ADGRE2: variants seen among roughly 807,000 people sequenced by gnomAD.
ADGRE2 encodes CD97 antigen.
A neutral mutation model predicts 100.8 loss-of-function variants in ADGRE2; 83 were observed. The ratio of observed to expected loss-of-function variants is 0.82; its 90% CI spans 0.69 to 0.99. ADGRE2 has a LOEUF of 0.99. ADGRE2 is among the 50% of genes least tolerant of loss of function. The probability of loss-of-function intolerance (pLI) is 0.00; values close to 1 mark genes in which losing one functional copy is unlikely to be tolerated. For missense variants in ADGRE2, 814 were observed against 1,035.7 expected (o/e 0.79, Z 2.94); for synonymous variants, 355 against 413.0 (o/e 0.86, Z 1.70).
At chr19:14,739,196 C>T (rs1743687432) in intron 20 of ADGRE2, among the ~76,000 whole-genome samples, 1 of 152,108 alleles carries the variant, frequency 6.6e-6, no homozygotes, top group East Asian at 1.9e-4. Context: ...TCTCGAACTC[C>T]TGACCTCAAG....
At chr19:14,738,964 CTTTTCTTTTTTT>C (rs1327272166) in intron 20 of ADGRE2, among the ~76,000 whole-genome samples, 3 of 131,290 alleles carry the variant, frequency 2.3e-5, no homozygotes, top group Non-Finnish European at 4.8e-5. Flanking sequence ...CTTTTCTTTT[CTTTTCTTTTTTT>C]TTTTTTTTTT....
intron 4 of ADGRE2, among the ~76,000 whole-genome samples, chr19:14,772,794 T>C (rs1599882670): frequency 6.6e-6 from 1 of 150,886 alleles, no homozygotes; most frequent in Non-Finnish European, 1.5e-5. Context: ...TTAAACCCCA[T>C]GGCAGCCGGG....
intron 11 of ADGRE2, among the ~76,000 whole-genome samples, chr19:14,757,687 C>G (rs1391432410): frequency 2.6e-5 from 4 of 152,210 alleles, no homozygotes; most frequent in Admixed American, 2.0e-4. Flanking sequence ...TACCCTCACA[C>G]AACAAACAAA....
chr19:14,740,041 C>T (rs888546587), intron 20 of ADGRE2, among the ~76,000 whole-genome samples: 1 of 151,016 alleles, frequency 6.6e-6, no homozygotes, highest in Non-Finnish European at 1.5e-5. Context: ...GCAGAGTTTG[C>T]AGTGAGCCCA....
At position 14,746,107 on chromosome 19, in the gene ADGRE2, C is replaced by T. The variant is rs73515938; in HGVS notation, c.2183+125G>A. 4.5e-3 allele frequency: 2,887 copies of T among 642,396 alleles called. 63 individuals carry two copies. In the African/African-American group the frequency reaches 0.047, roughly 10 times the overall value. 39.8% of individuals were successfully genotyped at this position (642,396 alleles called of 1,614,324 possible). Reference sequence around the variant, plus strand: ...GATGGCTGCCATAGAAGGATGGCTGCGTCTGTTTTTTCTGGGTCCCTTCAA... The same window carrying T: ...GATGGCTGCCATAGAAGGATGGCTGTGTCTGTTTTTTCTGGGTCCCTTCAA... On this transcript the variant is annotated intron_variant, in intron 18 of 20. Transcript: ENST00000315576.
intron 1 of ADGRE2, among the ~76,000 whole-genome samples, chr19:14,777,763 TGTTA>T (rs2044490000): frequency 6.6e-6 from 1 of 151,656 alleles, no homozygotes. Context: ...TCTGTTTCTG[TGTTA>T]GTTTGCTGAG....
At chr19:14,727,092 A>T in the ADGRE2 span, among the ~76,000 whole-genome samples, 1 of 131,986 alleles carries the variant, frequency 7.6e-6, no homozygotes, top group South Asian at 2.3e-4. Context: ...CAGTGGCGCA[A>T]TCTTGGCTCA....
At chr19:14,772,272 C>T in intron 5 of ADGRE2, 70 bp downstream of exon 5, 3 of 1,599,812 alleles carry the variant, frequency 1.9e-6, no homozygotes, top group Non-Finnish European at 1.7e-6. Context: ...TCCCTGGATG[C>T]TGCAGAAACA....
chr19:14,731,082 C>T, downstream of ADGRE2: 2 of 1,112,310 alleles, frequency 1.8e-6, no homozygotes, highest in Admixed American at 2.0e-5. Context: ...AAGCACCGCC[C>T]CTCCTGCCCC....
At chr19:14,750,850 C>T (rs1288786683) in intron 16 of ADGRE2, among the ~76,000 whole-genome samples, 1 of 152,144 alleles carries the variant, frequency 6.6e-6, no homozygotes, top group Admixed American at 6.6e-5. Context: ...GTCTTTCTCT[C>T]TTGCTCAGGC....
chr19:14,743,078 G>A (rs11879129), intron 20 of ADGRE2, among the ~76,000 whole-genome samples: 6,709 of 151,990 alleles, frequency 0.044, 517 homozygotes, highest in African/African-American at 0.15. Flanking sequence ...GGGACTACAG[G>A]TGTATGCCAC....
In ADGRE2 at chr19:14,735,307, C is replaced by T. The variant is rs1243295877; in HGVS notation, c.*929G>A. The T allele has an allele frequency of 7.9e-5, 12 of 152,202 alleles. No individual in the cohort carries two copies. In the South Asian group the frequency reaches 2.3e-3, roughly 29 times the overall value. 9.4% of individuals were successfully genotyped at this position (152,202 alleles called of 1,614,324 possible). ...TTCTCACTCTGTTGCCCACACTGGTCTCAAACTCCTGGGCTTGAGCCATCC... is the reference window on the plus strand; with the variant it reads ...TTCTCACTCTGTTGCCCACACTGGTTTCAAACTCCTGGGCTTGAGCCATCC... On this transcript the variant is annotated 3_prime_UTR_variant, in exon 21 of 21. Transcript: ENST00000315576.
At chr19:14,772,156 T>C (rs1461128064) in intron 5 of ADGRE2, 186 bp downstream of exon 5, 1 of 766,054 alleles carries the variant, frequency 1.3e-6, no homozygotes, top group Non-Finnish European at 2.1e-6. Context: ...CCCAGAGTTT[T>C]CCCTTGGCCT....
In ADGRE2 at chr19:14,776,584, C is replaced by T. The variant is rs1388889780; in HGVS notation, c.31+142G>A. 4.1e-6 allele frequency: 4 copies of T among 972,252 alleles called. No individual in the cohort carries two copies. In the African/African-American group the frequency reaches 6.6e-5, roughly 16 times the overall value. 60.2% of individuals were successfully genotyped at this position (972,252 alleles called of 1,614,324 possible). ...CCACCAGCCCCTCTCGCCGTGTGCC[C>T]GTGAGTGCCTGCTTGACCATGTGGC... is the stretch of plus-strand genomic sequence containing the variant. On this transcript the variant is annotated intron_variant, in intron 2 of 20. Coordinates refer to ENST00000315576, the MANE Select transcript of ADGRE2 (RefSeq NM_013447.4).
In ADGRE2 at chr19:14,751,683, G is replaced by A; in HGVS notation, c.1789-12C>T. 1.9e-6 allele frequency: 3 copies of A among 1,604,730 alleles called. No individual in the cohort carries two copies. Among genetic ancestry groups the A allele is most frequent in the Non-Finnish European group, 2.6e-6 (3 of 1,171,864 alleles). The stretch of plus-strand genomic sequence containing the variant: ...ATGGAGCACAGCACCTGGCGGAGAA[G>A]TAAAAGACGCCCAGAGCGGCGATCA... On this transcript the variant is annotated splice_polypyrimidine_tract_variant and intron_variant, in intron 15 of 20. Coordinates refer to ENST00000315576, the MANE Select transcript of ADGRE2 (RefSeq NM_013447.4).
intron 13 of ADGRE2, 23 bp from the exon 14 acceptor site, chr19:14,755,150 T>A (rs1389493393): frequency 1.0e-5 from 16 of 1,606,658 alleles, no homozygotes; most frequent in Non-Finnish European, 1.4e-5. Flanking sequence ...AACACAGGTG[T>A]GGGCTGGGCA....
Position 14,743,792 on chromosome 19 carries a change from G to A in ADGRE2, c.2184-8C>T, listed in dbSNP as rs747767985. The A allele has an allele frequency of 6.2e-7, 1 of 1,613,442 alleles. No homozygotes were observed. The highest frequency in any genetic ancestry group is 8.5e-7 in the Non-Finnish European group (1 of 1,179,516). ...GCTTTAAATGCCAGCATCCTGGATT[G>A]AGTAAGAAAGGAGGCTGGTGATGCA... On this transcript the variant is annotated splice_polypyrimidine_tract_variant and splice_region_variant and intron_variant, in intron 18 of 20. Transcript: ENST00000315576.
chr19:14,768,234 G>A (rs1332186811), intron 5 of ADGRE2, among the ~76,000 whole-genome samples: 1 of 152,204 alleles, frequency 6.6e-6, no homozygotes, highest in Non-Finnish European at 1.5e-5. Flanking sequence ...CAGTCCCCAG[G>A]GGAGCATGAG....
At chr19:14,746,376 T>TC (rs2043090455) in intron 17 of ADGRE2, 53 bp from the exon 18 acceptor site, 12 of 267,756 alleles carry the variant, frequency 4.5e-5, no homozygotes, top group South Asian at 1.7e-4. Flanking sequence ...CTGTTATCTC[T>TC]TTTTTTTTTT....
Sources: gnomAD v4.1 joint callset for allele counts (sites outside exome capture counted in the v4.1 genomes callset) on GRCh38, gnomAD v4.1.1 for gene constraint, MANE v1.5 for transcripts, NCBI Gene and HGNC (gene_info 2026-07-23, HGNC 2026-07-21) for gene names.